Variants in ST6GALNAC3 observed in about 807,000 individuals in gnomAD.
ST6GALNAC3 encodes the protein alpha-N-acetylgalactosaminide alpha-2,6-sialyltransferase 3.
Under a neutral mutation model 32.7 loss-of-function variants are expected in ST6GALNAC3, and 25 were observed. The observed-to-expected ratio is 0.76, with a 90% confidence interval of 0.56 to 1.07. ST6GALNAC3 has a LOEUF of 1.07. Among genes scored for constraint, ST6GALNAC3 ranks in the 50% least tolerant of loss-of-function variants. The probability of loss-of-function intolerance (pLI) is 0.00; values close to 1 mark genes in which losing one functional copy is unlikely to be tolerated. For synonymous variants in ST6GALNAC3, 129 were observed against 133.1 expected, an observed-to-expected ratio of 0.97 and a Z score of 0.21; for missense variants, 355 against 382.4, an observed-to-expected ratio of 0.93 and a Z score of 0.60.
chr1:76,184,497 C>T (rs989640979), intron 1 of ST6GALNAC3, among the ~76,000 whole-genome samples: 1 of 149,054 alleles, frequency 6.7e-6, no homozygotes, highest in Non-Finnish European at 1.5e-5. Flanking sequence ...CAAGATCGTG[C>T]CACTGCATTC....
chr1:76,178,979 C>T (rs577779889), intron 1 of ST6GALNAC3, among the ~76,000 whole-genome samples: 1 of 150,676 alleles, frequency 6.6e-6, no homozygotes, highest in African/African-American at 2.4e-5. Context: ...GGTTTGCCCC[C>T]GGAACTATTG....
chr1:76,184,732 C>T (rs7552671), intron 1 of ST6GALNAC3, among the ~76,000 whole-genome samples: 29,019 of 152,006 alleles, frequency 0.19, 2,909 homozygotes, highest in Non-Finnish European at 0.2. Flanking sequence ...AATCGGGGCT[C>T]ACTCTACAGA....
At chr1:76,441,560 G>A (rs966293825) in intron 3 of ST6GALNAC3, among the ~76,000 whole-genome samples, 13 of 152,064 alleles carry the variant, frequency 8.5e-5, no homozygotes, top group South Asian at 2.1e-4. Context: ...GCAATGTAAC[G>A]TAATTACAGC....
chr1:76,620,215 A>G (rs1648550668), intron 3 of ST6GALNAC3, among the ~76,000 whole-genome samples: 1 of 152,108 alleles, frequency 6.6e-6, no homozygotes, highest in Non-Finnish European at 1.5e-5. Flanking sequence ...AGGACATTGA[A>G]GAGAGCATTT....
chr1:76,119,222 C>A (rs908389112), intron 1 of ST6GALNAC3, among the ~76,000 whole-genome samples: 3 of 152,192 alleles, frequency 2.0e-5, no homozygotes, highest in African/African-American at 7.2e-5. Context: ...AGATGCTGGG[C>A]CCTTGGGACC....
chr1:76,440,043 C>T (rs1342779163), intron 3 of ST6GALNAC3, among the ~76,000 whole-genome samples: 1 of 152,196 alleles, frequency 6.6e-6, no homozygotes, highest in Non-Finnish European at 1.5e-5. Context: ...TTCAAACAGA[C>T]CCTGACATCT....
rs534868535 is a variant in ST6GALNAC3 at position 76,356,585 on chromosome 1, G to A, written c.213+42586G>A. Among the ~76,000 whole-genome samples, 70 of 152,260 alleles carry A rather than the reference G, an allele frequency of 4.6e-4. 3 individuals are homozygous for A. The South Asian group carries it at 0.013, about 29-fold the overall frequency. The stretch of plus-strand genomic sequence containing the variant: ...AAGTAAAGGGATGAAAGGCTGCAGT[G>A]AGACCTAGGGTGGACAGGGAAGGGT... On this transcript the variant is annotated intron_variant, in intron 2 of 4. Coordinates refer to ENST00000328299, the MANE Select transcript of ST6GALNAC3 (RefSeq NM_152996.4).
chr1:76,515,195 A>T (rs1662100083), intron 3 of ST6GALNAC3, among the ~76,000 whole-genome samples: 1 of 151,848 alleles, frequency 6.6e-6, no homozygotes, highest in Admixed American at 6.6e-5. Flanking sequence ...CAATTTCCTC[A>T]CTCATCATTG....
chr1:76,287,590 C>T (rs1452881741), intron 1 of ST6GALNAC3, among the ~76,000 whole-genome samples: 1 of 152,038 alleles, frequency 6.6e-6, no homozygotes, highest in East Asian at 1.9e-4. Context: ...ATATAGGATC[C>T]TCTGGTAGCA....
At chr1:76,475,785 T>C (rs1659312076) in intron 3 of ST6GALNAC3, among the ~76,000 whole-genome samples, 1 of 152,212 alleles carries the variant, frequency 6.6e-6, no homozygotes, top group Admixed American at 6.5e-5. Flanking sequence ...CGTGGCATGG[T>C]GGTTTGCTGC....
At chr1:76,170,580 A>C (rs1652426075) in intron 1 of ST6GALNAC3, among the ~76,000 whole-genome samples, 1 of 152,256 alleles carries the variant, frequency 6.6e-6, no homozygotes, top group Non-Finnish European at 1.5e-5. Flanking sequence ...TTATGGCACC[A>C]GAAGAGAGAT....
intron 1 of ST6GALNAC3, among the ~76,000 whole-genome samples, chr1:76,099,425 C>G (rs770775643): frequency 2.0e-5 from 3 of 152,092 alleles, no homozygotes; most frequent in Non-Finnish European, 4.4e-5. Flanking sequence ...TTCATAGCCC[C>G]TTTATTCGTA....
At chr1:76,112,978 A>G (rs1281849946) in intron 1 of ST6GALNAC3, among the ~76,000 whole-genome samples, 1 of 152,136 alleles carries the variant, frequency 6.6e-6, no homozygotes, top group African/African-American at 2.4e-5. Flanking sequence ...TTGGGGGGCC[A>G]AGGCAGGCAG....
At chr1:76,581,415 A>C (rs1487395854) in intron 3 of ST6GALNAC3, among the ~76,000 whole-genome samples, 1 of 152,146 alleles carries the variant, frequency 6.6e-6, no homozygotes. Context: ...AAAATTATCT[A>C]TTCACCAGAC....
At chr1:76,300,314 A>T (rs891777279) in intron 1 of ST6GALNAC3, among the ~76,000 whole-genome samples, 1 of 152,012 alleles carries the variant, frequency 6.6e-6, no homozygotes, top group African/African-American at 2.4e-5. Flanking sequence ...TAACTCTGTG[A>T]TAAGAAATGG....
chr1:76,430,264 C>T (rs1655663229), intron 3 of ST6GALNAC3, among the ~76,000 whole-genome samples: 1 of 152,122 alleles, frequency 6.6e-6, no homozygotes, highest in African/African-American at 2.4e-5. Flanking sequence ...ATACTTCCAC[C>T]AGATTAATCT....
chr1:76,235,592 C>T (rs932085953), intron 1 of ST6GALNAC3, among the ~76,000 whole-genome samples: 7 of 151,688 alleles, frequency 4.6e-5, no homozygotes, highest in African/African-American at 1.7e-4. Flanking sequence ...GGTTATTTCT[C>T]TCATTTGATA....
chr1:76,537,051 C>A (rs1663656850), intron 3 of ST6GALNAC3, among the ~76,000 whole-genome samples: 2 of 152,202 alleles, frequency 1.3e-5, no homozygotes, highest in African/African-American at 4.8e-5. Context: ...CTCAGTGCCA[C>A]ATGGCACTTA....
chr1:76,372,733 A>C (rs891494877), intron 2 of ST6GALNAC3, among the ~76,000 whole-genome samples: 1 of 152,138 alleles, frequency 6.6e-6, no homozygotes, highest in African/African-American at 2.4e-5. Flanking sequence ...CTTTGACTTC[A>C]TCTTCTCCTA....
Sources: gnomAD v4.1 joint callset for allele counts (sites outside exome capture counted in the v4.1 genomes callset) on GRCh38, gnomAD v4.1.1 for gene constraint, MANE v1.5 for transcripts, NCBI Gene and HGNC (gene_info 2026-07-23, HGNC 2026-07-21) for gene names.